Variants in LAMA2 observed in about 807,000 individuals in gnomAD.
LAMA2 encodes the protein laminin subunit alpha 2, also known as laminin subunit alpha-2.
A neutral mutation model predicts 364.8 loss-of-function variants in LAMA2; 269 were observed. That is an observed-to-expected ratio of 0.74 (90% confidence interval 0.67 to 0.82). The LOEUF (loss-of-function observed/expected upper bound fraction) is 0.82. Ranked by LOEUF, LAMA2 falls within the 40% of genes least tolerant of loss-of-function variation. The pLI, the probability that LAMA2 is intolerant of heterozygous loss-of-function variation, is 0.00. For missense variants in LAMA2, 3,807 were observed against 3,873.2 expected, an observed-to-expected ratio of 0.98 and a Z score of 0.45; for synonymous variants, 1,379 against 1,370.6, an observed-to-expected ratio of 1.01 and a Z score of -0.14.
intron 12 of LAMA2, among the ~76,000 whole-genome samples, chr6:129,238,895 CT>C (rs369504737): frequency 1.3e-3 from 197 of 147,670 alleles, no homozygotes; most frequent in African/African-American, 4.2e-3. Context: ...TGAGATCTAC[CT>C]TTTTTTTTTG....
chr6:129,157,278 A>C (rs987720027), intron 8 of LAMA2, among the ~76,000 whole-genome samples: 6 of 152,120 alleles, frequency 3.9e-5, no homozygotes, highest in Admixed American at 3.9e-4. Context: ...AAACCCATTT[A>C]AAAAAAGGCA....
At chr6:129,237,342 G>GTTA (rs769384856) in intron 12 of LAMA2, among the ~76,000 whole-genome samples, 10 of 151,682 alleles carry the variant, frequency 6.6e-5, no homozygotes, top group Non-Finnish European at 1.2e-4. Context: ...TGTTGTTGTT[G>GTTA]TTGTTGTTGT....
Position 129,143,960 on chromosome 6 carries a change from A to G in LAMA2, c.699A>G (p.Leu233=), listed in dbSNP as rs746351937. The part of the protein sequence containing the change: ...PSADDPSPEL[L]EFTSARYIRL... ...CCGATGATCCTTCTCCAGAACTGCT[A>G]GAATTTACCTCCGCTCGCTATATTC... Residue 233 remains leucine, a synonymous_variant, in exon 5 of 65, where the codon CTA becomes CTG. Transcript: ENST00000421865. 6.2e-7 allele frequency: 1 copy of G among 1,612,064 alleles called. No homozygotes were observed. The highest frequency in any genetic ancestry group is 1.1e-5 in the South Asian group (1 of 91,032).
intron 40 of LAMA2, among the ~76,000 whole-genome samples, chr6:129,414,384 A>G (rs887019789): frequency 1.4e-4 from 22 of 152,252 alleles, no homozygotes; most frequent in African/African-American, 4.6e-4. Flanking sequence ...GAAAAACTAT[A>G]GGCCAGTTAT....
intron 37 of LAMA2, among the ~76,000 whole-genome samples, chr6:129,397,801 G>A (rs540155835): frequency 8.6e-5 from 13 of 151,926 alleles, no homozygotes; most frequent in Admixed American, 3.3e-4. Flanking sequence ...TTAGCCAGGC[G>A]TGGTGGCAGG....
At chr6:129,067,561 T>C (rs1246289673) in intron 3 of LAMA2, among the ~76,000 whole-genome samples, 1 of 152,146 alleles carries the variant, frequency 6.6e-6, no homozygotes, top group Non-Finnish European at 1.5e-5. Flanking sequence ...CCACTAAAAG[T>C]GGAAATCTTA....
In LAMA2 at chr6:129,502,776, G is replaced by A. The variant is rs1785750348; in HGVS notation, c.8357+5G>A. 1 of 1,573,526 alleles carries A rather than the reference G, an allele frequency of 6.4e-7. No homozygotes were observed. The highest frequency in any genetic ancestry group is 1.1e-5 in the South Asian group (1 of 90,290). ...TGACACCAAAGTTAAAAACCGGTAT[G>A]TATCATCCTGAGACACTGGGAAAGA... is the stretch of plus-strand genomic sequence containing the variant. On this transcript the variant is annotated splice_donor_5th_base_variant and intron_variant, in intron 59 of 64. Transcript: ENST00000421865.
chr6:129,176,828 A>G (rs1428916870), intron 9 of LAMA2, among the ~76,000 whole-genome samples: 1 of 151,948 alleles, frequency 6.6e-6, no homozygotes, highest in African/African-American at 2.4e-5. Context: ...TCTCTTGTGC[A>G]CATTACATGT....
At chr6:128,941,724 G>T (rs903959512) in intron 1 of LAMA2, among the ~76,000 whole-genome samples, 1 of 152,144 alleles carries the variant, frequency 6.6e-6, no homozygotes, top group Non-Finnish European at 1.5e-5. Context: ...ATATGATGAT[G>T]ATTTTCATTA....
Position 129,179,444 on chromosome 6 carries a change from G to A in LAMA2, c.1467+1578G>A, listed in dbSNP as rs1249263542. On this transcript the variant is annotated intron_variant, in intron 10 of 64. Transcript: ENST00000421865. Reference sequence around the variant, plus strand: ...TTTGCAAGGAAAGGGAGTAATAAGCGAGTTAATTTTCTTTGGTAAATATAG... The same window carrying A: ...TTTGCAAGGAAAGGGAGTAATAAGCAAGTTAATTTTCTTTGGTAAATATAG... Among the ~76,000 whole-genome samples, 4 of 152,208 alleles carry A rather than the reference G, an allele frequency of 2.6e-5. No homozygotes were observed. The East Asian group carries it at 5.8e-4, about 22-fold the overall frequency.
chr6:129,459,786 C>T (rs755405308), intron 48 of LAMA2, among the ~76,000 whole-genome samples: 3 of 152,040 alleles, frequency 2.0e-5, no homozygotes, highest in African/African-American at 4.8e-5. Flanking sequence ...ATTTATTGAA[C>T]ACCTTCTGTA....
At chr6:129,505,159 T>C in intron 60 of LAMA2, 41 bp from the exon 61 acceptor site, 7 of 1,571,446 alleles carry the variant, frequency 4.5e-6, no homozygotes, top group Non-Finnish European at 6.1e-6. Flanking sequence ...TATGTGAAAT[T>C]TGTTCAGGAT....
intron 29 of LAMA2, among the ~76,000 whole-genome samples, chr6:129,339,256 A>G (rs1190372844): frequency 1.3e-5 from 2 of 152,228 alleles, no homozygotes; most frequent in African/African-American, 4.8e-5. Flanking sequence ...TAATAGACTC[A>G]TGGAACTGAT....
chr6:129,437,635 A>G (rs1386021498), intron 41 of LAMA2, among the ~76,000 whole-genome samples: 1 of 152,096 alleles, frequency 6.6e-6, no homozygotes, highest in African/African-American at 2.4e-5. Flanking sequence ...GAGCTGTTGT[A>G]TCCAGTCAAG....
At chr6:129,500,417 G>A (rs1443578107) in intron 58 of LAMA2, among the ~76,000 whole-genome samples, 2 of 152,184 alleles carry the variant, frequency 1.3e-5, no homozygotes, top group Non-Finnish European at 2.9e-5. Flanking sequence ...AGAGTGATCA[G>A]TTTGGTACAA....
intron 43 of LAMA2, among the ~76,000 whole-genome samples, chr6:129,442,623 C>T (rs927741033): frequency 7.9e-5 from 12 of 152,114 alleles, no homozygotes; most frequent in Admixed American, 6.6e-4. Flanking sequence ...TATTTCATCA[C>T]GCATGTATTA....
chr6:129,382,233 G>C (rs9492319), intron 34 of LAMA2, among the ~76,000 whole-genome samples: 1 of 152,050 alleles, frequency 6.6e-6, no homozygotes, highest in Non-Finnish European at 1.5e-5. Flanking sequence ...AGAGAAGAAG[G>C]CTTATATATT....
At position 129,438,721 on chromosome 6, in the gene LAMA2, C is replaced by T. The variant is rs990115860; in HGVS notation, c.6044C>T (p.Thr2015Ile). Residue 2015 changes from threonine (T) to isoleucine (I), a missense_variant, in exon 42 of 65, where the codon ACT (threonine) becomes ATT (isoleucine). Thr to Ile is a moderately conservative substitution (Grantham distance 89). This residue lies in a region of LAMA2 where 3,333 missense variants were observed against 3,345.7 expected (regional missense o/e 1.00). Transcript: ENST00000421865. Reference sequence around the variant, plus strand: ...GCTAGAAATGGGGATCTCTTGAGAACTTTGAATGACACTTTGGGAAAGTTA... The same window carrying T: ...GCTAGAAATGGGGATCTCTTGAGAATTTTGAATGACACTTTGGGAAAGTTA... Reference protein sequence around the residue: ...ADARNGDLLRTLNDTLGKLSA... With the variant: ...ADARNGDLLRILNDTLGKLSA... The T allele has an allele frequency of 4.4e-6, 7 of 1,606,988 alleles. No homozygotes were observed. The highest frequency in any genetic ancestry group is 8.5e-7 in the Non-Finnish European group (1 of 1,174,062).
intron 1 of LAMA2, among the ~76,000 whole-genome samples, chr6:128,913,371 C>T (rs1004598992): frequency 6.6e-6 from 1 of 152,112 alleles, no homozygotes; most frequent in Non-Finnish European, 1.5e-5. Flanking sequence ...GACTGGTGTA[C>T]TTTGTCTCTA....
Sources: allele counts gnomAD v4.1 joint callset (sites outside exome capture counted in the v4.1 genomes callset), GRCh38; gene constraint gnomAD v4.1.1; regional missense constraint gnomAD v4.1.1; transcripts MANE v1.5; gene names NCBI Gene and HGNC (gene_info 2026-07-23, HGNC 2026-07-21).